The following IGBP1 variants were observed in gnomAD, a reference collection of about 807,000 sequenced individuals.
IGBP1 encodes the protein immunoglobulin binding protein 1, also known as immunoglobulin-binding protein 1.
Under a neutral mutation model 25.9 loss-of-function variants are expected in IGBP1, and 2 were observed. That is an observed-to-expected ratio of 0.08 (90% confidence interval 0.03 to 0.24). IGBP1 has a LOEUF of 0.24. Ranked by LOEUF, IGBP1 falls within the 10% of genes least tolerant of loss-of-function variation. The probability of loss-of-function intolerance (pLI) is 1.00; values close to 1 mark genes in which losing one functional copy is unlikely to be tolerated. For synonymous variants in IGBP1, 96 were observed against 93.4 expected (o/e 1.03, Z -0.16); for missense variants, 187 against 260.4 (o/e 0.72, Z 1.94).
At chrX:70,141,510 T>G (rs781742271) in intron 3 of IGBP1, among the ~76,000 whole-genome samples, 9 of 111,745 alleles carry the variant, frequency 8.1e-5, no homozygotes, top group Non-Finnish European at 1.7e-4. Flanking sequence ...TCTGTCAGTC[T>G]CTAGACTTGA....
At position 70,134,097 on chromosome X, in the gene IGBP1, G is replaced by A. The variant is rs1367142706; in HGVS notation, c.150G>A (p.Glu50=). 15 of 1,210,504 alleles carry A rather than the reference G, an allele frequency of 1.2e-5. No homozygotes were observed. The highest frequency in any genetic ancestry group is 1.7e-5 in the African/African-American group (1 of 57,419). ...TGTTCAAGGGCTTGGACCTCCTTGA[G>A]AAGGCTGCCGAAATGTTATCGCAGC... is the stretch of plus-strand genomic sequence containing the variant. The part of the protein sequence containing the change: ...EKVFKGLDLL[E]KAAEMLSQLD... Residue 50 remains glutamate (E), a synonymous_variant, in exon 2 of 7, where the codon GAG becomes GAA. Transcript: ENST00000356413.
chrX:70,146,531 T>A, intron 3 of IGBP1, 102 bp from the exon 4 acceptor site: 1 of 657,851 alleles, frequency 1.5e-6, no homozygotes. Context: ...TTGGTATGCT[T>A]ACTACCCTAT....
chrX:70,134,489 G>C (rs887227117), intron 2 of IGBP1, 34 bp from the exon 3 acceptor site: 4 of 1,197,115 alleles, frequency 3.3e-6, no homozygotes, highest in Non-Finnish European at 4.5e-6. Flanking sequence ...TGAATGCCTA[G>C]TCAGGCTTCA....
Position 70,133,469 on chromosome X carries a change from G to C in IGBP1, c.-297G>C. ...CTTGCACTTCGCGCTCAAGCGACCG[G>C]ATCTTCAAACCGTGGGAGTGGTGCG... On this transcript the variant is annotated 5_prime_UTR_variant, in exon 1 of 7. Transcript: ENST00000356413. The C allele has an allele frequency of 4.0e-6, 1 of 248,649 alleles. No individual in the cohort carries two copies. The highest frequency in any genetic ancestry group is 7.2e-6 in the Non-Finnish European group (1 of 139,180). The allele number at this position is 248,649 out of a possible 1,213,427, so 20.5% of individuals were successfully genotyped here.
intron 6 of IGBP1, among the ~76,000 whole-genome samples, chrX:70,161,592 A>G (rs996311521): frequency 8.9e-6 from 1 of 112,070 alleles, no homozygotes; most frequent in African/African-American, 3.2e-5. Flanking sequence ...TACCCAACCT[A>G]CCCAACATCA....
At chrX:70,153,870 T>C (rs768612591) in intron 6 of IGBP1, among the ~76,000 whole-genome samples, 11 of 110,918 alleles carry the variant, frequency 9.9e-5, no homozygotes, top group South Asian at 3.8e-4. Flanking sequence ...AAGTGAATGA[T>C]CTGAGAATGA....
At chrX:70,156,283 T>G (rs2085239619) in intron 6 of IGBP1, among the ~76,000 whole-genome samples, 1 of 90,416 alleles carries the variant, frequency 1.1e-5, no homozygotes, top group African/African-American at 5.0e-5. Flanking sequence ...AACCTTCAAT[T>G]TGTTAAAAAA....
At position 70,165,994 on chromosome X, in the gene IGBP1, A is replaced by G. The variant is rs200049281; in HGVS notation, c.*13A>G. On this transcript the variant is annotated 3_prime_UTR_variant, in exon 7 of 7. Transcript: ENST00000356413. ...GAACATGGGCTGATCTTCCCACAAC[A>G]CCACAGGACTGCAGGGTGCACAACT... 8.3e-7 allele frequency: 1 copy of G among 1,209,224 alleles called. No individual in the cohort carries two copies. The highest frequency in any genetic ancestry group is 1.1e-6 in the Non-Finnish European group (1 of 893,658).
rs764203463 is a variant in IGBP1 at position 70,133,861 on chromosome X, G to T, written c.-87G>T. 2.6e-5 allele frequency: 22 copies of T among 858,578 alleles called. No homozygotes were observed. The highest frequency in any genetic ancestry group is 3.7e-5 in the Non-Finnish European group (22 of 593,705). The allele number at this position is 858,578 out of a possible 1,213,427, so 70.8% of individuals were successfully genotyped here. A position where few individuals can be genotyped will look rare whatever the true frequency, so the allele number is the denominator to read the frequency against. ...ACTGGACCAATGAGGTGCTTCTTCC[G>T]GTTTTGTCCGCGCTCGCCTAATTCT... On this transcript the variant is annotated 5_prime_UTR_variant, in exon 2 of 7. Coordinates refer to ENST00000356413, the MANE Select transcript of IGBP1 (RefSeq NM_001551.3).
intron 1 of IGBP1, 73 bp from the exon 2 acceptor site, chrX:70,133,650 G>A: frequency 2.3e-6 from 1 of 428,292 alleles, no homozygotes. Flanking sequence ...GAACTTCTCA[G>A]CCCCGTGTCG....
Position 70,166,009 on chromosome X carries a change from G to A in IGBP1, c.*28G>A. 8.3e-7 allele frequency: 1 copy of A among 1,203,442 alleles called. No homozygotes were observed. Among genetic ancestry groups the A allele is most frequent in the Non-Finnish European group, 1.1e-6 (1 of 889,019 alleles). On this transcript the variant is annotated 3_prime_UTR_variant, in exon 7 of 7. Transcript: ENST00000356413. ...TTCCCACAACACCACAGGACTGCAGGGTGCACAACTCCCCTGCCAAGGAAA... is the reference window on the plus strand; with the variant it reads ...TTCCCACAACACCACAGGACTGCAGAGTGCACAACTCCCCTGCCAAGGAAA...
At chrX:70,146,994 G>A (rs2085171026) in intron 4 of IGBP1, among the ~76,000 whole-genome samples, 166 bp downstream of exon 4, 1 of 112,055 alleles carries the variant, frequency 8.9e-6, no homozygotes, top group African/African-American at 3.2e-5. Flanking sequence ...GTGTTCCCCA[G>A]TGCTTTTTAA....
intron 6 of IGBP1, among the ~76,000 whole-genome samples, chrX:70,150,581 T>A (rs989851188): frequency 8.9e-6 from 1 of 112,047 alleles, no homozygotes; most frequent in Non-Finnish European, 1.9e-5. Context: ...GAAAACTCAA[T>A]CTATGGATAG....
chrX:70,148,987 G>A, intron 5 of IGBP1, 147 bp downstream of exon 5: 1 of 499,629 alleles, frequency 2.0e-6, no homozygotes, highest in Non-Finnish European at 3.6e-6. Context: ...CCAGCACTTT[G>A]GGAGGCTGAG....
At chrX:70,137,751 C>CAAAAA (rs752550128) in intron 3 of IGBP1, among the ~76,000 whole-genome samples, 1 of 21,733 alleles carries the variant, frequency 4.6e-5, no homozygotes, top group Non-Finnish European at 9.3e-5. Flanking sequence ...AATAATTATA[C>CAAAAA]AAAAAAAAAA....
intron 3 of IGBP1, among the ~76,000 whole-genome samples, chrX:70,142,916 G>GTTTT (rs772662468): frequency 5.3e-4 from 26 of 49,020 alleles, no homozygotes; most frequent in Non-Finnish European, 6.2e-4. Flanking sequence ...TTATCGAGTT[G>GTTTT]TTTTTTTTTT....
intron 6 of IGBP1, among the ~76,000 whole-genome samples, chrX:70,157,716 T>C (rs2147587805): frequency 8.9e-6 from 1 of 111,987 alleles, no homozygotes; most frequent in African/African-American, 3.2e-5. Flanking sequence ...CAGGTGATAC[T>C]TGTGTGTGCT....
At chrX:70,150,017 C>A (rs911717576) in intron 5 of IGBP1, among the ~76,000 whole-genome samples, 193 bp from the exon 6 acceptor site, 1 of 111,828 alleles carries the variant, frequency 8.9e-6, no homozygotes, top group Non-Finnish European at 1.9e-5. Context: ...GACTTTAATG[C>A]CCCTTTCTGG....
intron 3 of IGBP1, among the ~76,000 whole-genome samples, chrX:70,144,711 A>G (rs1175400071): frequency 2.4e-5 from 2 of 83,909 alleles, no homozygotes; most frequent in Non-Finnish European, 4.3e-5. Flanking sequence ...CCAGGCTGGA[A>G]TGCAGTGGCA....
Sources: allele counts gnomAD v4.1 joint callset (sites outside exome capture counted in the v4.1 genomes callset), GRCh38; gene constraint gnomAD v4.1.1; transcripts MANE v1.5; gene names NCBI Gene and HGNC (gene_info 2026-07-23, HGNC 2026-07-21).